ITIH5: variants seen among roughly 807,000 people sequenced by gnomAD.
ITIH5 encodes the protein inter-alpha-trypsin inhibitor heavy chain H5.
Under a neutral mutation model 77.5 loss-of-function variants are expected in ITIH5, and 65 were observed. The observed-to-expected ratio is 0.84, with a 90% CI of 0.69 to 1.03. The LOEUF (loss-of-function observed/expected upper bound fraction) is 1.03, where lower values mean the gene tolerates loss of function less well. Ranked by LOEUF, ITIH5 falls within the 50% of genes least tolerant of loss-of-function variation. The pLI is 0.00. For synonymous variants in ITIH5, 525 were observed against 494.3 expected, an observed-to-expected ratio of 1.06 and a Z score of -0.82; for missense variants, 1,208 against 1,213.1, an observed-to-expected ratio of 1.00 and a Z score of 0.06.
intron 7 of ITIH5, among the ~76,000 whole-genome samples, chr10:7,608,421 A>G (rs1316545543): frequency 6.6e-6 from 1 of 152,166 alleles, no homozygotes; most frequent in Non-Finnish European, 1.5e-5. Flanking sequence ...CTGGGACTAC[A>G]GATGTGGGCC....
chr10:7,650,733 T>G (rs1313274377), intron 2 of ITIH5, among the ~76,000 whole-genome samples: 1 of 145,298 alleles, frequency 6.9e-6, no homozygotes, highest in Non-Finnish European at 1.5e-5. Context: ...CAAAACTCCA[T>G]CTCAAAAAAA....
intron 1 of ITIH5, among the ~76,000 whole-genome samples, chr10:7,656,325 C>T (rs1018318669): frequency 2.0e-5 from 3 of 152,156 alleles, no homozygotes; most frequent in African/African-American, 4.8e-5. Flanking sequence ...AGCCATCCCC[C>T]GACTTCAACC....
intron 3 of ITIH5, 49 bp downstream of exon 3, chr10:7,641,878 C>T (rs774538163): frequency 1.9e-6 from 3 of 1,587,378 alleles, no homozygotes; most frequent in Non-Finnish European, 1.7e-6. Flanking sequence ...CAGGCTCAAC[C>T]TGACCACCCT....
intron 2 of ITIH5, among the ~76,000 whole-genome samples, chr10:7,648,403 T>C (rs1213501511): frequency 6.6e-6 from 1 of 152,244 alleles, no homozygotes; most frequent in Non-Finnish European, 1.5e-5. Context: ...TCAGTTATCA[T>C]CCATTAAATT....
In ITIH5 at chr10:7,640,925, C is replaced by A. The variant is rs996378616; in HGVS notation, c.300-70G>T. The stretch of plus-strand genomic sequence containing the variant: ...ACAAATTCAGACATGGATCTTATAA[C>A]CATGACAACCCCAGGAAATATTTTT... On this transcript the variant is annotated intron_variant, in intron 3 of 13. Transcript: ENST00000397146. 4.2e-6 allele frequency: 4 copies of A among 961,074 alleles called. No individual in the cohort carries two copies. In the East Asian group the frequency reaches 9.5e-5, roughly 23 times the overall value. 59.5% of individuals were successfully genotyped at this position (961,074 alleles called of 1,614,324 possible). A position where few individuals can be genotyped will look rare whatever the true frequency, so the allele number is the denominator to read the frequency against.
intron 7 of ITIH5, among the ~76,000 whole-genome samples, chr10:7,594,592 T>A (rs1832857897): frequency 6.7e-6 from 1 of 150,350 alleles, no homozygotes; most frequent in African/African-American, 2.4e-5. Context: ...ATGAATACAA[T>A]CAGGGTACAG....
chr10:7,624,588 G>C (rs1467169349), intron 5 of ITIH5, among the ~76,000 whole-genome samples: 1 of 150,160 alleles, frequency 6.7e-6, no homozygotes, highest in South Asian at 2.1e-4. Context: ...GAGGCCAAGG[G>C]GGGCAGATCA....
At chr10:7,575,954 A>G (rs993018601) in intron 10 of ITIH5, among the ~76,000 whole-genome samples, 2 of 152,206 alleles carry the variant, frequency 1.3e-5, no homozygotes, top group African/African-American at 4.8e-5. Flanking sequence ...GCCACAGTGT[A>G]TAGTAATGCA....
chr10:7,594,514 C>T (rs777430401), intron 7 of ITIH5, among the ~76,000 whole-genome samples: 2 of 152,136 alleles, frequency 1.3e-5, no homozygotes, highest in Admixed American at 6.5e-5. Flanking sequence ...GTGGAAATGT[C>T]TTCCCTGGAG....
At chr10:7,574,368 G>A (rs990419741) in intron 10 of ITIH5, among the ~76,000 whole-genome samples, 1 of 152,122 alleles carries the variant, frequency 6.6e-6, no homozygotes, top group East Asian at 1.9e-4. Flanking sequence ...AGATTAGCCA[G>A]GAAAGAGGAT....
chr10:7,578,834 C>T (rs1443242075), intron 9 of ITIH5: 5 of 152,180 alleles, frequency 3.3e-5, no homozygotes, highest in Non-Finnish European at 2.9e-5. Context: ...AACATAATAT[C>T]GGAGGGAAGC....
intron 8 of ITIH5, among the ~76,000 whole-genome samples, chr10:7,580,664 G>A (rs1832531928): frequency 6.6e-6 from 1 of 152,220 alleles, no homozygotes; most frequent in African/African-American, 2.4e-5. Flanking sequence ...GCAGGAAGGT[G>A]TTGAGCATAG....
intron 5 of ITIH5, chr10:7,621,262 C>T (rs1022587988): frequency 2.6e-5 from 4 of 152,218 alleles, no homozygotes; most frequent in Admixed American, 6.5e-5. Context: ...CCTACTTAGT[C>T]TTGCTTCCAA....
intron 5 of ITIH5, among the ~76,000 whole-genome samples, chr10:7,626,783 C>T (rs534187262): frequency 4.6e-4 from 70 of 152,338 alleles, no homozygotes; most frequent in African/African-American, 1.6e-3. Flanking sequence ...CATCTTATAT[C>T]TCATCTGGCA....
intron 5 of ITIH5, among the ~76,000 whole-genome samples, chr10:7,622,984 T>G (rs1564265660): frequency 1.3e-5 from 2 of 152,366 alleles, no homozygotes; most frequent in East Asian, 3.9e-4. Flanking sequence ...ACAAAACATA[T>G]GTCCTTAGTG....
intron 7 of ITIH5, among the ~76,000 whole-genome samples, chr10:7,596,867 G>A (rs1239394641): frequency 6.6e-6 from 1 of 151,628 alleles, no homozygotes; most frequent in African/African-American, 2.4e-5. Context: ...GGCCAACGTG[G>A]CAAAACCCCG....
chr10:7,662,791 A>G (rs531408306), intron 1 of ITIH5, among the ~76,000 whole-genome samples: 1 of 152,320 alleles, frequency 6.6e-6, no homozygotes, highest in Admixed American at 6.5e-5. Context: ...AACTCATTTC[A>G]ACAATCCAGC....
chr10:7,632,823 A>G (rs759619024), intron 5 of ITIH5, among the ~76,000 whole-genome samples: 15 of 152,188 alleles, frequency 9.9e-5, no homozygotes, highest in Non-Finnish European at 2.2e-4. Context: ...TAAGTAAGGT[A>G]TTCTTTTTCT....
chr10:7,579,622 T>C (rs567240649), intron 9 of ITIH5, 133 bp downstream of exon 9: 47 of 857,262 alleles, frequency 5.5e-5, no homozygotes, highest in South Asian at 5.1e-4. Context: ...ACACCTCCCA[T>C]TGCAATGAGC....
Sources: gnomAD v4.1 joint callset for allele counts (sites outside exome capture counted in the v4.1 genomes callset) on GRCh38, gnomAD v4.1.1 for gene constraint, MANE v1.5 for transcripts, NCBI Gene and HGNC (gene_info 2026-07-23, HGNC 2026-07-21) for gene names.